The following PARM1 variants were observed in gnomAD, a reference collection of about 807,000 sequenced individuals.
The protein encoded by PARM1 is prostate androgen-regulated mucin-like protein 1, also known as WSC4, cell wall integrity and stress response component 4 homolog.
PARM1 carries 14 observed loss-of-function variants against 24.6 expected under a neutral mutation model. That is an observed-to-expected ratio of 0.57 (90% CI 0.38 to 0.89). The LOEUF is 0.89. Among genes scored for constraint, PARM1 ranks in the 40% least tolerant of loss-of-function variants. PARM1 has a pLI of 0.00. For synonymous variants in PARM1, 179 were observed against 156.6 expected, an observed-to-expected ratio of 1.14 and a Z score of -1.07; for missense variants, 362 against 380.4, an observed-to-expected ratio of 0.95 and a Z score of 0.40.
intron 3 of PARM1, among the ~76,000 whole-genome samples, chr4:75,043,742 G>A (rs957559412): frequency 6.6e-6 from 1 of 152,106 alleles, no homozygotes; most frequent in Non-Finnish European, 1.5e-5. Flanking sequence ...GATTTGATTG[G>A]AACTGGAGGT....
At chr4:75,019,234 G>A (rs973974247) in intron 2 of PARM1, among the ~76,000 whole-genome samples, 1 of 152,218 alleles carries the variant, frequency 6.6e-6, no homozygotes, top group East Asian at 1.9e-4. Flanking sequence ...TTGACTCCCT[G>A]AACAACATTG....
chr4:74,951,470 G>A (rs182274809), intron 1 of PARM1, among the ~76,000 whole-genome samples: 11 of 152,148 alleles, frequency 7.2e-5, no homozygotes, highest in African/African-American at 2.7e-4. Context: ...TTTAAGTTCT[G>A]GGGTACGTAT....
intron 3 of PARM1, among the ~76,000 whole-genome samples, chr4:75,043,859 C>G (rs1191071932): frequency 6.6e-6 from 1 of 152,122 alleles, no homozygotes; most frequent in East Asian, 1.9e-4. Context: ...TTCTGGGTTT[C>G]TATTTATGGT....
intron 3 of PARM1, among the ~76,000 whole-genome samples, chr4:75,035,827 G>A (rs2109810633): frequency 6.6e-6 from 1 of 152,170 alleles, no homozygotes. Flanking sequence ...TTTTATAAAA[G>A]CATCCAGAAG....
chr4:74,953,855 C>A (rs910030633), intron 1 of PARM1, among the ~76,000 whole-genome samples: 3 of 152,176 alleles, frequency 2.0e-5, no homozygotes, highest in Non-Finnish European at 4.4e-5. Flanking sequence ...CCAGCTTGGG[C>A]TGCAACCCCA....
intron 1 of PARM1, among the ~76,000 whole-genome samples, chr4:74,938,697 A>T (rs376721650): frequency 6.6e-6 from 1 of 152,180 alleles, no homozygotes; most frequent in African/African-American, 2.4e-5. Flanking sequence ...TATTTAAATG[A>T]TAGGGTTGAT....
chr4:75,002,375 A>G (rs1482773314), intron 1 of PARM1, among the ~76,000 whole-genome samples: 1 of 152,108 alleles, frequency 6.6e-6, no homozygotes, highest in East Asian at 1.9e-4. Context: ...AGGGTATGCC[A>G]CCCCTCGACT....
At chr4:74,941,028 G>A (rs892717584) in intron 1 of PARM1, among the ~76,000 whole-genome samples, 1 of 152,152 alleles carries the variant, frequency 6.6e-6, no homozygotes, top group Admixed American at 6.5e-5. Context: ...GTCTTTCTTG[G>A]CCTTGAAAAG....
intron 2 of PARM1, among the ~76,000 whole-genome samples, chr4:75,022,518 CAT>C (rs1329338765): frequency 8.5e-5 from 13 of 152,176 alleles, no homozygotes; most frequent in Non-Finnish European, 1.5e-4. Context: ...AACTCTATCA[CAT>C]GTTTTAATTG....
chr4:75,045,082 C>T (rs1560396853), intron 3 of PARM1, among the ~76,000 whole-genome samples: 5 of 152,164 alleles, frequency 3.3e-5, no homozygotes, highest in Admixed American at 2.0e-4. Flanking sequence ...GAAGGCCTCA[C>T]TGAGAAGGTG....
chr4:75,037,568 C>G (rs1723396556), intron 3 of PARM1, among the ~76,000 whole-genome samples: 1 of 152,176 alleles, frequency 6.6e-6, no homozygotes, highest in African/African-American at 2.4e-5. Flanking sequence ...TGACCCCTGC[C>G]TGGAGAACCA....
chr4:74,994,563 C>G (rs1484372966), intron 1 of PARM1, among the ~76,000 whole-genome samples: 1 of 152,130 alleles, frequency 6.6e-6, no homozygotes, highest in Non-Finnish European at 1.5e-5. Flanking sequence ...AATCCCAGCA[C>G]TTTGGAAGGC....
chr4:74,960,633 A>G (rs1465014734), intron 1 of PARM1, among the ~76,000 whole-genome samples: 1 of 152,198 alleles, frequency 6.6e-6, no homozygotes, highest in Non-Finnish European at 1.5e-5. Context: ...ACAAAAACAT[A>G]GGAAAGTATG....
At chr4:75,029,716 G>A (rs572173235) in intron 2 of PARM1, among the ~76,000 whole-genome samples, 1 of 152,174 alleles carries the variant, frequency 6.6e-6, no homozygotes, top group South Asian at 2.1e-4. Flanking sequence ...CACTGATGGG[G>A]ACTTTCAAGT....
chr4:74,990,617 G>A (rs1455103103), intron 1 of PARM1, among the ~76,000 whole-genome samples: 1 of 152,146 alleles, frequency 6.6e-6, no homozygotes, highest in Non-Finnish European at 1.5e-5. Context: ...ATTGCTACTG[G>A]CTGAGTTGGG....
intron 1 of PARM1, among the ~76,000 whole-genome samples, chr4:74,953,573 A>T (rs1320611479): frequency 1.3e-5 from 2 of 152,188 alleles, no homozygotes; most frequent in Non-Finnish European, 2.9e-5. Context: ...GAAGCTTTGA[A>T]TCTTTTTCTA....
chr4:74,989,044 G>C (rs920725593), intron 1 of PARM1, among the ~76,000 whole-genome samples: 2 of 152,124 alleles, frequency 1.3e-5, no homozygotes, highest in Non-Finnish European at 2.9e-5. Context: ...CAAGGATAGA[G>C]AGGAAAAAAC....
At chr4:74,995,095 A>G (rs1722552452) in intron 1 of PARM1, among the ~76,000 whole-genome samples, 1 of 152,210 alleles carries the variant, frequency 6.6e-6, no homozygotes, top group Non-Finnish European at 1.5e-5. Context: ...TATAACTGTA[A>G]AGTGAAATAC....
chr4:74,988,666 A>G (rs1211522491), intron 1 of PARM1, among the ~76,000 whole-genome samples: 1 of 152,232 alleles, frequency 6.6e-6, no homozygotes, highest in East Asian at 1.9e-4. Context: ...AAACACTTGT[A>G]TGCCTACTAT....
Sources: allele counts gnomAD v4.1 joint callset (sites outside exome capture counted in the v4.1 genomes callset), GRCh38; gene constraint gnomAD v4.1.1; transcripts MANE v1.5; gene names NCBI Gene and HGNC (gene_info 2026-07-23, HGNC 2026-07-21).